Variants in TRAPPC9 observed in about 807,000 individuals in gnomAD.
TRAPPC9 encodes the protein trafficking protein particle complex subunit 9, also known as IKK2 binding protein.
Under a neutral mutation model 124.0 loss-of-function variants are expected in TRAPPC9, and 83 were observed. The observed-to-expected ratio is 0.67, with a 90% CI of 0.56 to 0.80. TRAPPC9 has a LOEUF of 0.80. Among genes scored for constraint, TRAPPC9 ranks in the 30% least tolerant of loss-of-function variants. The pLI is 0.00. For missense variants in TRAPPC9, 1,302 were observed against 1,508.3 expected, an observed-to-expected ratio of 0.86 and a Z score of 2.27; for synonymous variants, 638 against 617.5, an observed-to-expected ratio of 1.03 and a Z score of -0.49.
intron 21 of TRAPPC9, among the ~76,000 whole-genome samples, chr8:139,870,424 A>G (rs1342836165): frequency 1.3e-5 from 2 of 152,268 alleles, no homozygotes; most frequent in East Asian, 3.8e-4. Context: ...TGAAAGGAAT[A>G]TCATACAGTG....
intron 17 of TRAPPC9, among the ~76,000 whole-genome samples, chr8:140,207,920 G>C (rs1482212680): frequency 6.6e-6 from 1 of 152,194 alleles, no homozygotes; most frequent in Non-Finnish European, 1.5e-5. Context: ...GGGAGGCCAA[G>C]GCGGGAGGAT....
chr8:139,837,034 C>T (rs1826406609), intron 21 of TRAPPC9, among the ~76,000 whole-genome samples: 1 of 151,982 alleles, frequency 6.6e-6, no homozygotes. Context: ...GAACAAGGAA[C>T]AGGACCTGTA....
At chr8:140,244,997 G>T (rs147767828) in intron 16 of TRAPPC9, among the ~76,000 whole-genome samples, 2,526 of 151,488 alleles carry the variant, frequency 0.017, 52 homozygotes, top group African/African-American at 0.058. Flanking sequence ...GTAGAGACGG[G>T]GTTTCACCAT....
At chr8:140,041,582 C>G (rs1318253445) in intron 17 of TRAPPC9, among the ~76,000 whole-genome samples, 1 of 152,262 alleles carries the variant, frequency 6.6e-6, no homozygotes, top group African/African-American at 2.4e-5. Context: ...TCACCCAACC[C>G]CTTCTGCAGG....
chr8:140,016,357 G>C (rs1170795800), intron 18 of TRAPPC9, among the ~76,000 whole-genome samples: 2 of 152,248 alleles, frequency 1.3e-5, no homozygotes, highest in East Asian at 3.9e-4. Flanking sequence ...TGAGGACTTT[G>C]CTAGGGTGAG....
In TRAPPC9 at chr8:140,067,220, T is replaced by G. The variant is rs528781285; in HGVS notation, c.2557-43141A>C. ...GTGCAATGGCGCAGTCTTGGCTCAC[T>G]GCAACCTCCGCCTCCCGGGTTCAAG... On this transcript the variant is annotated intron_variant, in intron 17 of 22. Transcript: ENST00000438773. Among the ~76,000 whole-genome samples the G allele has an allele frequency of 9.8e-5, 15 of 152,334 alleles. No individual in the cohort carries two copies. In the South Asian group the frequency reaches 3.1e-3, roughly 32 times the overall value.
At chr8:140,082,308 A>G (rs866090594) in intron 17 of TRAPPC9, among the ~76,000 whole-genome samples, 3 of 152,134 alleles carry the variant, frequency 2.0e-5, no homozygotes, top group Admixed American at 1.3e-4. Context: ...ATTAGACAGC[A>G]ATGTGTTTTC....
In TRAPPC9 at chr8:140,326,998, T is replaced by A. The variant is rs560929588; in HGVS notation, c.1496-15624A>T. ...CGGGCGCGGTGGCTCATGCCTGTAA[T>A]CCCAGCACTCTGGGAGGCTGAGGTG... On this transcript the variant is annotated intron_variant, in intron 9 of 22. Coordinates refer to ENST00000438773, the MANE Select transcript of TRAPPC9 (RefSeq NM_001160372.4). 8.5e-5 allele frequency among the ~76,000 whole-genome samples: 13 copies of A among 152,316 alleles called. No individual in the cohort carries two copies. The South Asian group carries it at 2.7e-3, about 32-fold the overall frequency.
At chr8:139,820,568 G>A (rs1286874421) in intron 21 of TRAPPC9, among the ~76,000 whole-genome samples, 3 of 152,084 alleles carry the variant, frequency 2.0e-5, no homozygotes, top group Admixed American at 1.3e-4. Context: ...ACTTTAAACT[G>A]GATAATATGT....
chr8:140,269,680 A>G (rs2064816287), intron 15 of TRAPPC9, among the ~76,000 whole-genome samples: 1 of 152,242 alleles, frequency 6.6e-6, no homozygotes, highest in Non-Finnish European at 1.5e-5. Context: ...GATGGTTTGT[A>G]TGTAAGTGTT....
At chr8:140,268,529 C>G (rs1007078845) in intron 15 of TRAPPC9, among the ~76,000 whole-genome samples, 3 of 152,204 alleles carry the variant, frequency 2.0e-5, no homozygotes, top group African/African-American at 7.2e-5. Flanking sequence ...GAAAATGGCT[C>G]TACCATGCCG....
chr8:140,282,001 AT>A (rs1202670679), intron 14 of TRAPPC9, among the ~76,000 whole-genome samples: 7 of 152,250 alleles, frequency 4.6e-5, no homozygotes, highest in Non-Finnish European at 5.9e-5. Context: ...CGACTTGTCA[AT>A]TTCTCCACTT....
chr8:140,273,328 G>T (rs2065016582), intron 15 of TRAPPC9, among the ~76,000 whole-genome samples: 1 of 152,204 alleles, frequency 6.6e-6, no homozygotes, highest in African/African-American at 2.4e-5. Context: ...GTCAGCCATT[G>T]TTCATAGCGA....
chr8:139,746,780 C>T (rs1416301400), intron 21 of TRAPPC9, among the ~76,000 whole-genome samples: 1 of 152,254 alleles, frequency 6.6e-6, no homozygotes, highest in African/African-American at 2.4e-5. Context: ...GGAGGAAGCA[C>T]CAGGGCCCCC....
intron 17 of TRAPPC9, among the ~76,000 whole-genome samples, chr8:140,199,435 A>G (rs2062738627): frequency 6.6e-6 from 1 of 151,060 alleles, no homozygotes; most frequent in Admixed American, 6.6e-5. Flanking sequence ...AATTATGCAG[A>G]CAAGTTAAGT....
intron 14 of TRAPPC9, 95 bp downstream of exon 14, chr8:140,283,794 A>C: frequency 7.3e-7 from 1 of 1,366,250 alleles, no homozygotes; most frequent in Non-Finnish European, 1.0e-6. Context: ...GGTCATAAGA[A>C]TTACAGGCTC....
At chr8:139,989,077 A>G (rs1305789052) in intron 18 of TRAPPC9, among the ~76,000 whole-genome samples, 1 of 152,216 alleles carries the variant, frequency 6.6e-6, no homozygotes, top group African/African-American at 2.4e-5. Flanking sequence ...TCCTGGGGAC[A>G]TGTGTTCACA....
chr8:140,412,394 T>C (rs2069736307), intron 5 of TRAPPC9, among the ~76,000 whole-genome samples: 1 of 152,238 alleles, frequency 6.6e-6, no homozygotes. Flanking sequence ...TGTGTGATCC[T>C]GGACTGGATC....
At chr8:140,419,244 C>A (rs945026118) in intron 5 of TRAPPC9, among the ~76,000 whole-genome samples, 4 of 151,804 alleles carry the variant, frequency 2.6e-5, no homozygotes, top group African/African-American at 9.7e-5. Flanking sequence ...CTGGCTAACA[C>A]GGTGAAACCC....
Sources: gnomAD v4.1 joint callset for allele counts (sites outside exome capture counted in the v4.1 genomes callset) on GRCh38, gnomAD v4.1.1 for gene constraint, MANE v1.5 for transcripts, NCBI Gene and HGNC (gene_info 2026-07-23, HGNC 2026-07-21) for gene names.